ITGAV: variants seen among roughly 807,000 people sequenced by gnomAD.
ITGAV encodes the protein integrin subunit alpha V, also known as integrin alpha-V.
ITGAV carries 76 observed loss-of-function variants against 143.8 expected under a neutral mutation model. That is an observed-to-expected ratio of 0.53 (90% confidence interval 0.44 to 0.64). The LOEUF (loss-of-function observed/expected upper bound fraction) is 0.64, where lower values mean the gene tolerates loss of function less well. Ranked by LOEUF, ITGAV falls within the 30% of genes least tolerant of loss-of-function variation. The pLI is 0.00. For synonymous variants in ITGAV, 453 were observed against 446.7 expected (o/e 1.01, Z -0.18); for missense variants, 1,193 against 1,274.7 (o/e 0.94, Z 0.98).
At chr2:186,654,496 A>T (rs1688527321) in intron 15 of ITGAV, among the ~76,000 whole-genome samples, 154 bp from the exon 16 acceptor site, 1 of 152,190 alleles carries the variant, frequency 6.6e-6, no homozygotes, top group Non-Finnish European at 1.5e-5. Context: ...GTTAGTGTAT[A>T]TAGTTTCATG....
At chr2:186,625,311 G>T (rs1413684843) in intron 3 of ITGAV, among the ~76,000 whole-genome samples, 162 bp from the exon 4 acceptor site, 1 of 152,156 alleles carries the variant, frequency 6.6e-6, no homozygotes, top group African/African-American at 2.4e-5. Flanking sequence ...GTTCAAGGCT[G>T]CAGTGAGCCA....
chr2:186,660,653 T>G (rs1688720655), intron 18 of ITGAV: 1 of 152,196 alleles, frequency 6.6e-6, no homozygotes, highest in African/African-American at 2.4e-5. Flanking sequence ...GTTAGCAACA[T>G]TTTTTTAAAA....
chr2:186,601,853 G>A (rs1686915946), intron 1 of ITGAV, among the ~76,000 whole-genome samples, 168 bp from the exon 2 acceptor site: 1 of 152,176 alleles, frequency 6.6e-6, no homozygotes, highest in African/African-American at 2.4e-5. Flanking sequence ...ATGTATGCAT[G>A]CAAGAGACTA....
chr2:186,608,039 T>G (rs1574464195), intron 2 of ITGAV, among the ~76,000 whole-genome samples: 1 of 152,188 alleles, frequency 6.6e-6, no homozygotes, highest in Non-Finnish European at 1.5e-5. Flanking sequence ...GAAGCCAGAA[T>G]GACTCCTGCG....
chr2:186,628,704 G>A (rs17334072), intron 4 of ITGAV, among the ~76,000 whole-genome samples: 12,191 of 152,104 alleles, frequency 0.08, 713 homozygotes, highest in South Asian at 0.13. Context: ...ATGTTCTTCT[G>A]TTCTAAATTG....
At chr2:186,654,503 C>T (rs903412084) in intron 15 of ITGAV, 147 bp from the exon 16 acceptor site, 21 of 514,804 alleles carry the variant, frequency 4.1e-5, no homozygotes, top group Non-Finnish European at 6.3e-5. Context: ...TATATAGTTT[C>T]ATGTTTTTAG....
chr2:186,656,487 T>C, intron 17 of ITGAV, 86 bp downstream of exon 17: 1 of 1,029,588 alleles, frequency 9.7e-7, no homozygotes, highest in Non-Finnish European at 1.4e-6. Context: ...TGTAAATTAG[T>C]GTTAGATCAA....
chr2:186,616,012 G>C (rs967383479), intron 2 of ITGAV, among the ~76,000 whole-genome samples: 1 of 151,538 alleles, frequency 6.6e-6, no homozygotes, highest in Non-Finnish European at 1.5e-5. Flanking sequence ...TATTTTTTTT[G>C]CATATGGGTA....
chr2:186,647,238 AT>A (rs71017334), intron 13 of ITGAV, among the ~76,000 whole-genome samples: 158 of 146,216 alleles, frequency 1.1e-3, no homozygotes, highest in Middle Eastern at 3.6e-3. Flanking sequence ...AATAGTTGTG[AT>A]TTTTTTTTTT....
In ITGAV at chr2:186,590,353, G is replaced by A. The variant is rs780650255; in HGVS notation, c.15G>A (p.Pro5=). Residue 5 remains proline, a synonymous_variant, in exon 1 of 30, where the codon CCG becomes CCA. Transcript: ENST00000261023. Reference sequence around the variant, plus strand: ...GCACTTCGGCGATGGCTTTTCCGCCGCGGCGACGGCTGCGCCTCGGTCCCC... The same window carrying A: ...GCACTTCGGCGATGGCTTTTCCGCCACGGCGACGGCTGCGCCTCGGTCCCC... MAFP[P]RRRLRLGPRG... is the part of the protein sequence containing the mutation. 2.0e-5 allele frequency: 31 copies of A among 1,583,182 alleles called. No homozygotes were observed. The highest frequency in any genetic ancestry group is 2.6e-5 in the Non-Finnish European group (30 of 1,167,368).
rs750178358 is a variant in ITGAV at position 186,641,420 on chromosome 2, A to G, written c.991A>G (p.Met331Val). The change falls in exon 12 of 30, where the codon ATG becomes GTG. Residue 331 changes from methionine (M) to valine (V), a missense_variant. Met to Val is a conservative substitution (Grantham distance 21). Transcript: ENST00000261023. ...TGTGTTTATTGGAGCACCTCTCTTC[A>G]TGGATCGTGGCTCTGATGGCAAACT... The part of the protein sequence containing the change: ...ADVFIGAPLF[M>V]DRGSDGKLQE... 6.2e-7 allele frequency: 1 copy of G among 1,614,152 alleles called. No homozygotes were observed. The highest frequency in any genetic ancestry group is 8.5e-7 in the Non-Finnish European group (1 of 1,180,018).
At chr2:186,652,125 A>T in intron 15 of ITGAV, 36 bp downstream of exon 15, 1 of 1,253,846 alleles carries the variant, frequency 8.0e-7, no homozygotes, top group East Asian at 2.3e-5. Context: ...TATTATTGTG[A>T]TTATTGTTCA....
In ITGAV at chr2:186,646,809, G is replaced by T. The variant is rs754174458; in HGVS notation, c.1283G>T (p.Arg428Leu). ...SQILEGQWAARSMPPSFGYSM... is the reference protein window; with the variant it reads ...SQILEGQWAALSMPPSFGYSM... ...ATCCTTGAAGGGCAGTGGGCTGCTCGAAGCATGCCACCAAGCTTTGGCTAT... is the reference window on the plus strand; with the variant it reads ...ATCCTTGAAGGGCAGTGGGCTGCTCTAAGCATGCCACCAAGCTTTGGCTAT... The change falls in exon 13 of 30, where the codon CGA becomes CTA. Residue 428 changes from arginine (R) to leucine (L), a missense_variant. Physicochemically the swap from Arg to Leu is moderately radical, Grantham distance 102. Transcript: ENST00000261023. 5 of 1,611,714 alleles carry T rather than the reference G, an allele frequency of 3.1e-6. No individual in the cohort carries two copies. The highest frequency in any genetic ancestry group is 3.4e-6 in the Non-Finnish European group (4 of 1,178,292).
chr2:186,630,120 T>C (rs1287316967), intron 4 of ITGAV, among the ~76,000 whole-genome samples: 1 of 152,072 alleles, frequency 6.6e-6, no homozygotes, highest in African/African-American at 2.4e-5. Context: ...TTGAAGAGCA[T>C]TAAGTTCTGG....
intron 1 of ITGAV, among the ~76,000 whole-genome samples, chr2:186,595,967 C>T (rs1004491738): frequency 2.0e-5 from 3 of 152,054 alleles, no homozygotes; most frequent in Non-Finnish European, 4.4e-5. Flanking sequence ...ATTAATGGCC[C>T]TTTGAAAACA....
At chr2:186,646,950 T>C in intron 13 of ITGAV, 73 bp downstream of exon 13, 1 of 974,154 alleles carries the variant, frequency 1.0e-6, no homozygotes, top group East Asian at 2.7e-5. Context: ...TTACTGTTCT[T>C]GATTTATGTT....
At chr2:186,663,619 GCATT>G in intron 18 of ITGAV, 145 bp from the exon 19 acceptor site, 1 of 550,612 alleles carries the variant, frequency 1.8e-6, no homozygotes, top group Non-Finnish European at 3.2e-6. Context: ...GGTCTCTTTT[GCATT>G]CAGGTATACA....
At chr2:186,641,629 G>A (rs1231897746) in intron 12 of ITGAV, 41 bp downstream of exon 12, 2 of 1,546,838 alleles carry the variant, frequency 1.3e-6, no homozygotes, top group African/African-American at 2.7e-5. Flanking sequence ...CTGATTATCT[G>A]TGTCCACCTG....
At chr2:186,669,588 A>G in intron 25 of ITGAV, 113 bp from the exon 26 acceptor site, 1 of 699,972 alleles carries the variant, frequency 1.4e-6, no homozygotes, top group South Asian at 1.9e-5. Context: ...ATTCTGTCAT[A>G]CTAAATTTTC....
Sources: gnomAD v4.1 joint callset for allele counts (sites outside exome capture counted in the v4.1 genomes callset) on GRCh38, gnomAD v4.1.1 for gene constraint, MANE v1.5 for transcripts, NCBI Gene and HGNC (gene_info 2026-07-23, HGNC 2026-07-21) for gene names.